The following EIF3H variants were observed in gnomAD, a reference collection of about 807,000 sequenced individuals.
EIF3H encodes the protein eukaryotic translation initiation factor 3 subunit H.
EIF3H carries 26 observed loss-of-function variants against 44.2 expected under a neutral mutation model. The observed-to-expected ratio is 0.59, with a 90% CI of 0.43 to 0.82. The LOEUF (loss-of-function observed/expected upper bound fraction) is 0.82. Ranked by LOEUF, EIF3H falls within the 40% of genes least tolerant of loss-of-function variation. EIF3H has a pLI of 0.00. For missense variants in EIF3H, 359 were observed against 432.8 expected (o/e 0.83, Z 1.51); for synonymous variants, 166 against 151.9 (o/e 1.09, Z -0.68).
chr8:116,667,375 T>C (rs905440724), intron 2 of EIF3H, among the ~76,000 whole-genome samples: 8 of 152,074 alleles, frequency 5.3e-5, no homozygotes, highest in Non-Finnish European at 1.0e-4. Flanking sequence ...TTGATTTGCC[T>C]TTCCTATAAA....
intron 2 of EIF3H, among the ~76,000 whole-genome samples, chr8:116,706,973 T>C (rs1018082058): frequency 2.0e-4 from 30 of 152,236 alleles, no homozygotes; most frequent in African/African-American, 7.2e-4. Flanking sequence ...GTGTATTAAA[T>C]GCTGGGTTTA....
At chr8:116,737,424 G>A (rs1327143507) in intron 1 of EIF3H, 2 of 362,156 alleles carry the variant, frequency 5.5e-6, no homozygotes, top group East Asian at 1.5e-4. Flanking sequence ...GGGAGGCTGA[G>A]GCAGACCGAT....
At chr8:116,714,695 T>C (rs1234340323) in intron 2 of EIF3H, among the ~76,000 whole-genome samples, 16 of 152,022 alleles carry the variant, frequency 1.1e-4, no homozygotes, top group Admixed American at 1.1e-3. Context: ...ACCAAAAATA[T>C]ATCATTTTTA....
chr8:116,766,293 T>C, upstream of EIF3H: 1 of 304,796 alleles, frequency 3.3e-6, no homozygotes, highest in South Asian at 5.4e-5. Flanking sequence ...ATTCTCGTAA[T>C]TTTCTTTTAC....
chr8:116,662,360 G>C (rs1246865294), intron 2 of EIF3H, among the ~76,000 whole-genome samples: 1 of 152,140 alleles, frequency 6.6e-6, no homozygotes, highest in African/African-American at 2.4e-5. Flanking sequence ...GGGGATGCTA[G>C]AGCTCCGAAA....
intron 2 of EIF3H, among the ~76,000 whole-genome samples, chr8:116,690,354 A>G (rs1233711235): frequency 1.3e-5 from 2 of 149,956 alleles, no homozygotes; most frequent in Admixed American, 6.8e-5. Flanking sequence ...CCCCACCAGT[A>G]ATAATGGTTA....
chr8:116,657,300 C>T lies in EIF3H; in HGVS notation c.472G>A (p.Ala158Thr), dbSNP rs781221348. 1.9e-6 allele frequency: 3 copies of T among 1,613,050 alleles called. No individual in the cohort carries two copies. The Admixed American group carries it at 5.0e-5, about 27-fold the overall frequency. The change falls in exon 4 of 8, where the codon GCC (alanine) becomes ACC (threonine). Residue 158 changes from alanine to threonine, a missense_variant. Ala to Thr is a moderately conservative substitution (Grantham distance 58). Transcript: ENST00000521861. ...GCCTTTAGTGAGAGAGATCCTTGGG[C>T]AGTTTTTATGGGATCTCAAACAAGG... is the stretch of plus-strand genomic sequence containing the variant. ...VVLIYDPIKT[A>T]QGSLSLKAYR...
chr8:116,736,182 A>G (rs1387973920), intron 1 of EIF3H, among the ~76,000 whole-genome samples: 2 of 152,236 alleles, frequency 1.3e-5, no homozygotes. Context: ...AAAAGGCAAA[A>G]CAATAGTAAC....
At chr8:116,753,749 T>A (rs1029188259) in intron 1 of EIF3H, among the ~76,000 whole-genome samples, 2 of 152,218 alleles carry the variant, frequency 1.3e-5, no homozygotes, top group Admixed American at 6.5e-5. Context: ...GTTACTGAAG[T>A]GCTTTTACCA....
At chr8:116,697,288 T>A in intron 2 of EIF3H, 6 of 433,420 alleles carry the variant, frequency 1.4e-5, no homozygotes, top group South Asian at 9.9e-5. Context: ...AGGGGTTTTC[T>A]TAAAGTGTAA....
At chr8:116,722,817 C>G (rs1364561907) in intron 2 of EIF3H, among the ~76,000 whole-genome samples, 1 of 152,160 alleles carries the variant, frequency 6.6e-6, no homozygotes, top group Non-Finnish European at 1.5e-5. Context: ...TTCTTCTGTT[C>G]TCAGTTTTCC....
chr8:116,729,062 T>C (rs997104307), intron 1 of EIF3H, among the ~76,000 whole-genome samples: 1 of 152,194 alleles, frequency 6.6e-6, no homozygotes, highest in Non-Finnish European at 1.5e-5. Flanking sequence ...TAAACTAAAC[T>C]GATAAAGAGT....
At chr8:116,674,320 G>A in intron 2 of EIF3H, among the ~76,000 whole-genome samples, 1 of 144,412 alleles carries the variant, frequency 6.9e-6, no homozygotes, top group East Asian at 2.1e-4. Context: ...GGGGGTGGAG[G>A]TGGGGGGGGG....
intron 1 of EIF3H, among the ~76,000 whole-genome samples, chr8:116,751,434 C>CA (rs1338540765): frequency 1.3e-5 from 2 of 152,146 alleles, no homozygotes; most frequent in Non-Finnish European, 2.9e-5. Flanking sequence ...TCCCTGCCCT[C>CA]AGTAGCATAC....
At chr8:116,689,390 G>A (rs1814134345) in intron 2 of EIF3H, among the ~76,000 whole-genome samples, 1 of 152,014 alleles carries the variant, frequency 6.6e-6, no homozygotes, top group Non-Finnish European at 1.5e-5. Context: ...CACTTTAAAC[G>A]GGTGAACTAT....
At chr8:116,708,712 C>CT (rs1814514157) in intron 2 of EIF3H, among the ~76,000 whole-genome samples, 1 of 151,972 alleles carries the variant, frequency 6.6e-6, no homozygotes, top group Non-Finnish European at 1.5e-5. Context: ...GAGAGCAGTA[C>CT]TTTATTCTTA....
intron 1 of EIF3H, among the ~76,000 whole-genome samples, chr8:116,739,111 T>C (rs1815088061): frequency 6.6e-6 from 1 of 152,212 alleles, no homozygotes; most frequent in Admixed American, 6.5e-5. Flanking sequence ...AAGGAACACC[T>C]GGACCACCCA....
At chr8:116,756,099 ATTT>A (rs748139230), upstream of EIF3H, 2 of 1,196,470 alleles carry the variant, frequency 1.7e-6, no homozygotes, top group Non-Finnish European at 2.4e-6. Context: ...AGTTCGCATT[ATTT>A]CTGTAGTGTC....
rs138891534 is a variant in EIF3H, at chr8:116,761,949, A to G, written c.-27+3566T>C. On this transcript the variant is annotated intron_variant, in intron 1 of 9. Coordinates refer to the EIF3H transcript ENST00000276682. ...TAACTAACTTTTCTCAACAGGAGAT[A>G]TATCCCACTGACACACCAAATTCAA... Among the ~76,000 whole-genome samples, 28 of 152,356 alleles carry G rather than the reference A, an allele frequency of 1.8e-4. No individual in the cohort carries two copies. In the East Asian group the frequency reaches 3.9e-3, roughly 21 times the overall value.
Sources: allele counts gnomAD v4.1 joint callset (sites outside exome capture counted in the v4.1 genomes callset), GRCh38; gene constraint gnomAD v4.1.1; transcripts MANE v1.5; gene names NCBI Gene and HGNC (gene_info 2026-07-23, HGNC 2026-07-21).